CNGB3: variants seen among roughly 807,000 people sequenced by gnomAD.
The protein encoded by CNGB3 is cyclic nucleotide gated channel subunit beta 3, also known as cyclic nucleotide-gated channel beta-3.
Under a neutral mutation model 92.8 loss-of-function variants are expected in CNGB3, and 86 were observed. That is an observed-to-expected ratio of 0.93 (90% CI 0.78 to 1.11). The LOEUF is 1.11. Ranked by LOEUF, CNGB3 falls within the 50% of genes least tolerant of loss-of-function variation. The pLI, the probability that CNGB3 is intolerant of heterozygous loss-of-function variation, is 0.00. For missense variants in CNGB3, 1,026 were observed against 956.8 expected, an observed-to-expected ratio of 1.07 and a Z score of -0.95; for synonymous variants, 333 against 332.7, an observed-to-expected ratio of 1.00 and a Z score of -0.01.
intron 8 of CNGB3, among the ~76,000 whole-genome samples, chr8:86,647,010 T>C (rs1763794871): frequency 1.3e-5 from 2 of 151,120 alleles, no homozygotes; most frequent in Non-Finnish European, 3.0e-5. Flanking sequence ...CTTTGATGAG[T>C]TTCTTTTTGT....
intron 7 of CNGB3, among the ~76,000 whole-genome samples, chr8:86,653,577 A>C (rs1002551722): frequency 1.3e-5 from 2 of 152,186 alleles, no homozygotes; most frequent in African/African-American, 2.4e-5. Context: ...TAGGAAAGGA[A>C]CGTTCCATGT....
chr8:86,642,315 G>A (rs1823205079), intron 10 of CNGB3, among the ~76,000 whole-genome samples: 1 of 151,816 alleles, frequency 6.6e-6, no homozygotes, highest in South Asian at 2.1e-4. Context: ...TGGTATTTTA[G>A]TCAATTTTTA....
At chr8:86,599,285 T>A (rs1474276646) in intron 15 of CNGB3, among the ~76,000 whole-genome samples, 2 of 152,230 alleles carry the variant, frequency 1.3e-5, no homozygotes, top group African/African-American at 2.4e-5. Context: ...TTTACTTTAA[T>A]CTCTTAATCT....
chr8:86,640,158 T>C (rs1823153555), intron 10 of CNGB3, among the ~76,000 whole-genome samples: 1 of 152,124 alleles, frequency 6.6e-6, no homozygotes, highest in Admixed American at 6.6e-5. Flanking sequence ...TCTCACACTT[T>C]GATGATATAT....
chr8:86,608,953 C>T (rs987435720), intron 14 of CNGB3, among the ~76,000 whole-genome samples: 4 of 152,182 alleles, frequency 2.6e-5, no homozygotes, highest in African/African-American at 7.2e-5. Flanking sequence ...TTTCTTCTAT[C>T]TCCTAGTCTT....
Position 86,644,613 on chromosome 8 carries a change from A to G in CNGB3, c.1055+9T>C, listed in dbSNP as rs1823258436. ...CCCCTTCCCCCAAGTATACTGAGTTATACTTTACCTGTAGATATATGCTTT... is the reference window on the plus strand; with the variant it reads ...CCCCTTCCCCCAAGTATACTGAGTTGTACTTTACCTGTAGATATATGCTTT... On this transcript the variant is annotated intron_variant, in intron 9 of 17. Coordinates refer to ENST00000320005, the MANE Select transcript of CNGB3 (RefSeq NM_019098.5). 6.2e-7 allele frequency: 1 copy of G among 1,600,786 alleles called. No individual in the cohort carries two copies. The highest frequency in any genetic ancestry group is 8.5e-7 in the Non-Finnish European group (1 of 1,171,084).
intron 3 of CNGB3, among the ~76,000 whole-genome samples, chr8:86,684,629 T>G (rs1043911310): frequency 8.3e-5 from 12 of 144,802 alleles, no homozygotes; most frequent in African/African-American, 3.1e-4. Context: ...TAAACTGTGG[T>G]AAGTTCATGT....
At chr8:86,735,040 T>TG (rs1554618959) in intron 2 of CNGB3, among the ~76,000 whole-genome samples, 3,407 of 79,772 alleles carry the variant, frequency 0.043, 513 homozygotes, top group African/African-American at 0.16. Flanking sequence ...CAAATGCCGG[T>TG]GGTTTTTTTT....
rs1821934487 is a variant in CNGB3 at position 86,588,033 on chromosome 8, C to A, written c.1782-8781G>T. On this transcript the variant is annotated intron_variant, in intron 15 of 17. Coordinates refer to ENST00000320005, the MANE Select transcript of CNGB3 (RefSeq NM_019098.5). ...TTTCCTTGAGCAGCGGTTTGTAGTT[C>A]TCCTTGAAGAGGTCCTTCACATCCC... 8.5e-5 allele frequency among the ~76,000 whole-genome samples: 12 copies of A among 141,824 alleles called. No individual in the cohort carries two copies. The South Asian group carries it at 2.8e-3, about 33-fold the overall frequency. The allele number at this position is 141,824 out of a possible 152,430, so 93.0% of individuals were successfully genotyped here.
chr8:86,695,158 G>C (rs1173931051), intron 3 of CNGB3, among the ~76,000 whole-genome samples: 1 of 30,194 alleles, frequency 3.3e-5, no homozygotes, highest in Non-Finnish European at 4.8e-5. Context: ...CCAGTCAGGC[G>C]TGGCGGTGGC....
At chr8:86,581,023 G>A (rs4961201) in intron 15 of CNGB3, among the ~76,000 whole-genome samples, 1 of 152,174 alleles carries the variant, frequency 6.6e-6, no homozygotes, top group Non-Finnish European at 1.5e-5. Flanking sequence ...GAAAAGGGAG[G>A]ATTCCAGTTG....
chr8:86,578,981 G>T (rs1821710974), intron 16 of CNGB3, 118 bp from the exon 17 acceptor site: 2 of 1,531,156 alleles, frequency 1.3e-6, no homozygotes, highest in Admixed American at 3.4e-5. Flanking sequence ...TACATTAATA[G>T]TTGTTCATTA....
chr8:86,661,105 G>A (rs75610995), intron 6 of CNGB3: 3 of 213,372 alleles, frequency 1.4e-5, no homozygotes, highest in African/African-American at 2.4e-5. Flanking sequence ...TAAAAATGTA[G>A]CCATTAGCAA....
Position 86,739,670 on chromosome 8 carries a change from G to A in CNGB3, c.196C>T (p.His66Tyr), listed in dbSNP as rs770393099. 4 of 1,592,610 alleles carry A rather than the reference G, an allele frequency of 2.5e-6. No individual in the cohort carries two copies. The South Asian group carries it at 3.3e-5, about 13-fold the overall frequency. ...GCATTCTGACCTTGTATGTTGGTGT[G>A]TGGCTCTTCAGACGTGACTGGAGTT... Reference protein sequence around the residue: ...KSTPVTSEEPHTNIQDKLSKK... With the variant: ...KSTPVTSEEPYTNIQDKLSKK... Residue 66 changes from histidine (H) to tyrosine (Y), a missense_variant, in exon 2 of 18, where the codon CAC becomes TAC. By Grantham distance (83) the His-to-Tyr change is moderately conservative (BLOSUM62 2). Transcript: ENST00000320005.
chr8:86,589,381 C>G (rs1477609381), intron 15 of CNGB3, among the ~76,000 whole-genome samples: 1 of 149,402 alleles, frequency 6.7e-6, no homozygotes, highest in African/African-American at 2.5e-5. Context: ...CTTCTGCTAG[C>G]TTTTGAATGT....
intron 3 of CNGB3, among the ~76,000 whole-genome samples, chr8:86,720,690 T>C (rs1167521376): frequency 1.3e-5 from 2 of 152,058 alleles, no homozygotes; most frequent in Non-Finnish European, 2.9e-5. Context: ...AAAAAGGTAC[T>C]TGCGCATGCA....
chr8:86,702,503 T>C (rs1824574574), intron 3 of CNGB3, among the ~76,000 whole-genome samples: 1 of 152,222 alleles, frequency 6.6e-6, no homozygotes, highest in South Asian at 2.1e-4. Flanking sequence ...TTCCCCCAAA[T>C]AGTAGCATTG....
chr8:86,578,198 C>T (rs59270807), intron 17 of CNGB3, among the ~76,000 whole-genome samples: 9,724 of 152,086 alleles, frequency 0.064, 427 homozygotes, highest in East Asian at 0.1. Flanking sequence ...TGTGAGCCAC[C>T]GCACCCGGCC....
At chr8:86,697,243 A>T (rs766527830) in intron 3 of CNGB3, among the ~76,000 whole-genome samples, 12 of 152,090 alleles carry the variant, frequency 7.9e-5, no homozygotes, top group Admixed American at 3.3e-4. Context: ...CATTTGTTTT[A>T]CTCTGTTATT....
Sources: allele counts gnomAD v4.1 joint callset (sites outside exome capture counted in the v4.1 genomes callset), GRCh38; gene constraint gnomAD v4.1.1; transcripts MANE v1.5; gene names NCBI Gene and HGNC (gene_info 2026-07-23, HGNC 2026-07-21).